The following GSTZ1 variants were observed in gnomAD, a reference collection of about 807,000 sequenced individuals.
The protein encoded by GSTZ1 is glutathione S-transferase zeta 1, also known as maleylacetoacetate isomerase.
GSTZ1 carries 34 observed loss-of-function variants against 35.9 expected under a neutral mutation model. The ratio of observed to expected loss-of-function variants is 0.95; its 90% CI spans 0.72 to 1.26. GSTZ1 has a LOEUF of 1.26. Ranked by LOEUF, GSTZ1 falls within the 50% of genes most tolerant of loss-of-function variation. The pLI is 0.00. For synonymous variants in GSTZ1, 93 were observed against 101.2 expected, an observed-to-expected ratio of 0.92 and a Z score of 0.49; for missense variants, 263 against 271.7, an observed-to-expected ratio of 0.97 and a Z score of 0.23.
At chr14:77,322,990 G>A (rs1395975059) in intron 1 of GSTZ1, 1 of 143,188 alleles carries the variant, frequency 7.0e-6, no homozygotes. Context: ...GGATACACAT[G>A]TTTTGGTGGG....
At chr14:77,327,799 G>A in intron 4 of GSTZ1, 113 bp from the exon 5 acceptor site, 5 of 1,035,862 alleles carry the variant, frequency 4.8e-6, no homozygotes, top group Non-Finnish European at 7.3e-6. Context: ...AAGCAGGGGG[G>A]AAGAGGTGTA....
chr14:77,331,516 CTCA>C lies in GSTZ1; in HGVS notation c.*324_*326del. On this transcript the variant is annotated 3_prime_UTR_variant, in exon 9 of 9. Transcript: ENST00000216465. ...CCACGGGGAAGGCTGTGTGCCTTTT[CTCA>C]TCCGCTTTTGTTGTGTGTGACTCCA... is the stretch of plus-strand genomic sequence containing the variant. 1 of 266,372 alleles carries C rather than the reference CTCA, an allele frequency of 3.8e-6. No homozygotes were observed. The highest frequency in any genetic ancestry group is 7.2e-6 in the Non-Finnish European group (1 of 138,480). 16.5% of individuals were successfully genotyped at this position (266,372 alleles called of 1,614,324 possible). A position where few individuals can be genotyped will look rare whatever the true frequency, so the allele number is the denominator to read the frequency against.
intron 1 of GSTZ1, among the ~76,000 whole-genome samples, chr14:77,322,236 T>G (rs973694272): frequency 6.6e-6 from 1 of 152,214 alleles, no homozygotes; most frequent in Non-Finnish European, 1.5e-5. Context: ...GTAATCAGAA[T>G]GCATATTTGA....
chr14:77,327,651 C>A, intron 4 of GSTZ1, 99 bp downstream of exon 4: 1 of 859,968 alleles, frequency 1.2e-6, no homozygotes, highest in Non-Finnish European at 1.9e-6. Context: ...AGGTGCCTAG[C>A]ACATAGGAGA....
At chr14:77,321,641 T>C (rs1891989407) in intron 1 of GSTZ1, 2 of 649,634 alleles carry the variant, frequency 3.1e-6, no homozygotes, top group Admixed American at 4.9e-5. Context: ...CCCAGCACTT[T>C]GGGAGGCCGA....
chr14:77,331,306 C>A lies in GSTZ1; in HGVS notation c.*111C>A. 1 of 1,245,170 alleles carries A rather than the reference C, an allele frequency of 8.0e-7. No homozygotes were observed. The highest frequency in any genetic ancestry group is 1.1e-6 in the Non-Finnish European group (1 of 915,740). The allele number at this position is 1,245,170 out of a possible 1,614,324, so 77.1% of individuals were successfully genotyped here. On this transcript the variant is annotated 3_prime_UTR_variant, in exon 9 of 9. Transcript: ENST00000216465. ...AGGAGATGGGAGACTCGAACTCTAGCCCTGGATCTGCCTTCCTGCTGAAAC... is the reference window on the plus strand; with the variant it reads ...AGGAGATGGGAGACTCGAACTCTAGACCTGGATCTGCCTTCCTGCTGAAAC...
intron 3 of GSTZ1, chr14:77,327,236 G>A (rs987726117): frequency 3.5e-5 from 21 of 598,352 alleles, no homozygotes; most frequent in African/African-American, 3.3e-4. Flanking sequence ...GCCACGGTGT[G>A]AGATGCAGGG....
chr14:77,324,952 C>T (rs563670844), intron 2 of GSTZ1, 31 bp downstream of exon 2: 2 of 1,586,948 alleles, frequency 1.3e-6, no homozygotes, highest in South Asian at 1.1e-5. Flanking sequence ...AGGATGAGTG[C>T]TGGAGTGGGG....
intron 2 of GSTZ1, chr14:77,325,282 G>A (rs8177555): frequency 3.6e-6 from 1 of 281,496 alleles, no homozygotes; most frequent in African/African-American, 2.2e-5. Flanking sequence ...ATTTGAACTG[G>A]CAAAGCAAAC....
rs1268344993 is a variant in GSTZ1, at chr14:77,330,163, T to C, written c.475-147T>C. On this transcript the variant is annotated intron_variant, in intron 7 of 8. Transcript: ENST00000216465. Reference sequence around the variant, plus strand: ...TCCGGGGGACAGACTCATGCAGGCCTAGGGCAGACAAGAATTGGAGGTGGG... The same window carrying C: ...TCCGGGGGACAGACTCATGCAGGCCCAGGGCAGACAAGAATTGGAGGTGGG... 13 of 785,070 alleles carry C rather than the reference T, an allele frequency of 1.7e-5. No individual in the cohort carries two copies. The Admixed American group carries it at 2.2e-4, about 13-fold the overall frequency. 48.6% of individuals were successfully genotyped at this position (785,070 alleles called of 1,614,324 possible).
chr14:77,325,204 G>C (rs1187991014), intron 2 of GSTZ1: 2 of 412,560 alleles, frequency 4.8e-6, no homozygotes. Context: ...GTTTAAAGCA[G>C]GGTCACAAAA....
At chr14:77,328,340 C>T (rs2139578010) in intron 5 of GSTZ1, 1 of 408,706 alleles carries the variant, frequency 2.4e-6, no homozygotes, top group Middle Eastern at 6.9e-4. Flanking sequence ...TCCAGGCCTC[C>T]TGCCTTTAAC....
chr14:77,328,075 C>T, intron 5 of GSTZ1, 38 bp downstream of exon 5: 2 of 1,607,248 alleles, frequency 1.2e-6, no homozygotes, highest in Non-Finnish European at 1.7e-6. Context: ...GCACACCTGA[C>T]ACACTCTTAC....
intron 2 of GSTZ1, chr14:77,325,593 A>G (rs1204955715): frequency 6.6e-6 from 1 of 152,422 alleles, no homozygotes; most frequent in Non-Finnish European, 1.5e-5. Flanking sequence ...TTCAGTTACT[A>G]AGAGGCAGAA....
At chr14:77,330,539 C>T (rs1892570456) in intron 8 of GSTZ1, among the ~76,000 whole-genome samples, 180 bp downstream of exon 8, 1 of 152,192 alleles carries the variant, frequency 6.6e-6, no homozygotes, top group South Asian at 2.1e-4. Context: ...AGTGCTCCTA[C>T]TACGCCCACC....
intron 3 of GSTZ1, 150 bp from the exon 4 acceptor site, chr14:77,327,322 C>T (rs1195259855): frequency 3.7e-5 from 24 of 648,436 alleles, no homozygotes; most frequent in Non-Finnish European, 6.5e-5. Flanking sequence ...GCATGGATCC[C>T]CCAGGGATTA....
At chr14:77,327,786 C>A in intron 4 of GSTZ1, 126 bp from the exon 5 acceptor site, 2 of 947,332 alleles carry the variant, frequency 2.1e-6, no homozygotes, top group Non-Finnish European at 3.3e-6. Flanking sequence ...TTGAGCTGAG[C>A]AGAAGCAGGG....
Position 77,321,454 on chromosome 14 carries a change from C to T in GSTZ1, c.15+271C>T, listed in dbSNP as rs756428682. 7.3e-6 allele frequency: 11 copies of T among 1,515,618 alleles called. No homozygotes were observed. The African/African-American group carries it at 8.3e-5, about 11-fold the overall frequency. 93.9% of individuals were successfully genotyped at this position (1,515,618 alleles called of 1,614,324 possible). On this transcript the variant is annotated intron_variant, in intron 1 of 8. Transcript: ENST00000216465. ...GGTCGCGCTTCACTTCTGCTCCGCC[C>T]TCCCTGCTCCCCATAACAGACCCCT...
chr14:77,329,565 G>A (rs901131837), intron 6 of GSTZ1, 190 bp from the exon 7 acceptor site: 6 of 611,372 alleles, frequency 9.8e-6, no homozygotes, highest in South Asian at 1.9e-5. Flanking sequence ...TTGTCTGTGC[G>A]GAGCCTCAGG....
Sources: gnomAD v4.1 joint callset for allele counts (sites outside exome capture counted in the v4.1 genomes callset) on GRCh38, gnomAD v4.1.1 for gene constraint, MANE v1.5 for transcripts, NCBI Gene and HGNC (gene_info 2026-07-23, HGNC 2026-07-21) for gene names.